Variants in ORC4 observed in about 807,000 individuals in gnomAD.
The protein encoded by ORC4 is origin recognition complex subunit 4, also known as origin recognition complex, subunit 4 homolog.
Under a neutral mutation model 63.9 loss-of-function variants are expected in ORC4, and 55 were observed. The observed-to-expected ratio is 0.86, with a 90% CI of 0.69 to 1.08. The LOEUF is 1.08. Among genes scored for constraint, ORC4 ranks in the 50% least tolerant of loss-of-function variants. The probability of loss-of-function intolerance (pLI) is 0.00; values close to 1 mark genes in which losing one functional copy is unlikely to be tolerated. For missense variants in ORC4, 511 were observed against 504.4 expected (o/e 1.01, Z -0.13); for synonymous variants, 150 against 168.5 (o/e 0.89, Z 0.85).
Position 147,933,807 on chromosome 2 carries a change from T to C in ORC4, c.*1703A>G, listed in dbSNP as rs905311729. ...TGGTGAAATATCCCCTAAAAATGTG[T>C]AGACTACGGCACAGATTGAGTATGC... On this transcript the variant is annotated 3_prime_UTR_variant, in exon 14 of 14. Transcript: ENST00000392857. The C allele has an allele frequency of 3.9e-5, 6 of 152,138 alleles. No homozygotes were observed. 9.4% of individuals were successfully genotyped at this position (152,138 alleles called of 1,614,324 possible).
chr2:147,953,747 T>C (rs911978674), intron 7 of ORC4, among the ~76,000 whole-genome samples: 27 of 152,204 alleles, frequency 1.8e-4, no homozygotes. Context: ...GAAACAACTT[T>C]AGTAAAAGAA....
In ORC4 at chr2:147,952,419, T is replaced by G. The variant is rs1689005904; in HGVS notation, c.542A>C (p.Gln181Pro). 1 of 1,610,840 alleles carries G rather than the reference T, an allele frequency of 6.2e-7. No homozygotes were observed. The highest frequency in any genetic ancestry group is 8.5e-7 in the Non-Finnish European group (1 of 1,177,134). The change falls in exon 8 of 14, where the codon CAG (glutamine) becomes CCG (proline). Residue 181 changes from glutamine to proline, a missense_variant. Transcript: ENST00000392857. ...TLLYNLFDIS[Q>P]SAQTPIAVIG... ...AACTGCTATTGGGGTCTGTGCAGAC[T>G]GAGAAATGTCAAAAAGATTATAGAG...
chr2:148,002,286 C>T (rs1692364068), intron 1 of ORC4, among the ~76,000 whole-genome samples: 1 of 152,160 alleles, frequency 6.6e-6, no homozygotes, highest in African/African-American at 2.4e-5. Flanking sequence ...ACAGAACTCT[C>T]CACCCCAAAT....
At chr2:147,946,937 T>C (rs1185513949) in intron 9 of ORC4, among the ~76,000 whole-genome samples, 3 of 152,050 alleles carry the variant, frequency 2.0e-5, no homozygotes, top group African/African-American at 7.2e-5. Flanking sequence ...TTGCACTAAT[T>C]ACATTTTGTT....
chr2:148,010,294 C>T (rs1692879089), intron 1 of ORC4, among the ~76,000 whole-genome samples: 1 of 151,508 alleles, frequency 6.6e-6, no homozygotes, highest in Admixed American at 6.6e-5. Flanking sequence ...ACTAGAAAAG[C>T]AAGAGCATGC....
At chr2:147,957,914 AC>A (rs1410059647) in intron 6 of ORC4, among the ~76,000 whole-genome samples, 1 of 152,172 alleles carries the variant, frequency 6.6e-6, no homozygotes, top group Non-Finnish European at 1.5e-5. Flanking sequence ...CACATTTTCT[AC>A]TATACACAGG....
chr2:147,997,134 AG>A (rs1316037439), intron 1 of ORC4, among the ~76,000 whole-genome samples: 9 of 152,228 alleles, frequency 5.9e-5, no homozygotes, highest in African/African-American at 1.9e-4. Flanking sequence ...GCTAAGTGAA[AG>A]AAGCCAATCT....
chr2:147,960,560 C>T (rs1422919739), intron 4 of ORC4, among the ~76,000 whole-genome samples: 1 of 152,170 alleles, frequency 6.6e-6, no homozygotes, highest in Non-Finnish European at 1.5e-5. Context: ...ATTTTACAAA[C>T]ATACTAAGAT....
At chr2:147,992,926 GTGTAAAAACTAACT>G (rs1691711265) in intron 1 of ORC4, among the ~76,000 whole-genome samples, 1 of 152,094 alleles carries the variant, frequency 6.6e-6, no homozygotes, top group Non-Finnish European at 1.5e-5. Flanking sequence ...TCATCTTTCT[GTGTAAAAACTAACT>G]ATAAAGACAT....
intron 1 of ORC4, among the ~76,000 whole-genome samples, chr2:148,006,171 GGA>G (rs1165269806): frequency 2.0e-5 from 3 of 152,154 alleles, no homozygotes; most frequent in Admixed American, 1.3e-4. Context: ...TGTGTGCTTG[GGA>G]GAGAGAGCGA....
intron 1 of ORC4, among the ~76,000 whole-genome samples, chr2:147,995,892 C>G (rs570351752): frequency 9.2e-5 from 14 of 151,960 alleles, no homozygotes; most frequent in Non-Finnish European, 2.9e-5. Context: ...CCAGACACAT[C>G]GGGAAGCTGA....
At chr2:147,955,259 T>C in intron 7 of ORC4, 88 bp downstream of exon 7, 1 of 834,146 alleles carries the variant, frequency 1.2e-6, no homozygotes, top group Non-Finnish European at 1.9e-6. Flanking sequence ...GCTTTTTTTT[T>C]TGGCAAAAGC....
At chr2:147,996,083 C>A (rs1041386743) in intron 1 of ORC4, among the ~76,000 whole-genome samples, 1 of 151,808 alleles carries the variant, frequency 6.6e-6, no homozygotes, top group Non-Finnish European at 1.5e-5. Context: ...GGCTGGTGGA[C>A]CATGAGGTCA....
chr2:147,990,255 C>T (rs114194417), intron 1 of ORC4, among the ~76,000 whole-genome samples: 5 of 152,254 alleles, frequency 3.3e-5, no homozygotes, highest in East Asian at 1.9e-4. Context: ...AGTCAAATAA[C>T]GTAAAATGAA....
chr2:147,946,634 T>A (rs927458184), intron 9 of ORC4, among the ~76,000 whole-genome samples: 3 of 152,026 alleles, frequency 2.0e-5, no homozygotes, highest in Non-Finnish European at 2.9e-5. Context: ...GAAGGGAGGA[T>A]CCATACCTAA....
In ORC4 at chr2:147,993,544, C is replaced by T. The variant is rs115418062; in HGVS notation, c.-17-17569G>A. Among the ~76,000 whole-genome samples the T allele has an allele frequency of 7.5e-3, 1,138 of 152,216 alleles. 21 individuals are homozygous for T. The highest frequency in any genetic ancestry group is 0.025 in the African/African-American group (1,054 of 41,522). ...ACAGGAGACTAAATTCTAGAGTCAACGAAACGATATTCTCCAATTCTGTTT... is the reference window on the plus strand; with the variant it reads ...ACAGGAGACTAAATTCTAGAGTCAATGAAACGATATTCTCCAATTCTGTTT... On this transcript the variant is annotated intron_variant, in intron 1 of 13. Coordinates refer to ENST00000392857, the MANE Select transcript of ORC4 (RefSeq NM_181741.4).
chr2:148,020,907 C>T (rs553331097), upstream of ORC4: 2 of 152,352 alleles, frequency 1.3e-5, no homozygotes, highest in South Asian at 2.0e-4. Flanking sequence ...CTCCTCCCCG[C>T]CCCCGCTCCT....
chr2:147,979,026 G>T (rs1421516070), intron 1 of ORC4, among the ~76,000 whole-genome samples: 1 of 152,122 alleles, frequency 6.6e-6, no homozygotes, highest in Non-Finnish European at 1.5e-5. Context: ...TAAAAAGTTG[G>T]AAGCTTTCCC....
rs1170550334 is a variant in ORC4 at position 147,933,456 on chromosome 2, T to G, written c.*2054A>C. The G allele has an allele frequency of 6.6e-6, 1 of 152,078 alleles. No individual in the cohort carries two copies. The allele number at this position is 152,078 out of a possible 1,614,324, so 9.4% of individuals were successfully genotyped here. On this transcript the variant is annotated 3_prime_UTR_variant, in exon 14 of 14. Transcript: ENST00000392857. ...TTCATTTGTGTAACTTTTCCTAATG[T>G]ATTTTTTTTTAATTTGCTTTATAAC...
Sources: gnomAD v4.1 joint callset for allele counts (sites outside exome capture counted in the v4.1 genomes callset) on GRCh38, gnomAD v4.1.1 for gene constraint, MANE v1.5 for transcripts, NCBI Gene and HGNC (gene_info 2026-07-23, HGNC 2026-07-21) for gene names.